ITPRID2: variants seen among roughly 807,000 people sequenced by gnomAD.
ITPRID2 encodes ITPR interacting domain containing 2.
ITPRID2 carries 60 observed loss-of-function variants against 124.3 expected under a neutral mutation model. The ratio of observed to expected loss-of-function variants is 0.48; its 90% confidence interval spans 0.39 to 0.60. The LOEUF (loss-of-function observed/expected upper bound fraction) is 0.60, where lower values mean the gene tolerates loss of function less well. Among genes scored for constraint, ITPRID2 ranks in the 20% least tolerant of loss-of-function variants. The pLI, the probability that ITPRID2 is intolerant of heterozygous loss-of-function variation, is 0.00. For synonymous variants in ITPRID2, 521 were observed against 542.9 expected, an observed-to-expected ratio of 0.96 and a Z score of 0.56; for missense variants, 1,553 against 1,512.2, an observed-to-expected ratio of 1.03 and a Z score of -0.45.
At position 181,905,131 on chromosome 2, in the gene ITPRID2, C is replaced by T. The variant is rs765621630; in HGVS notation, c.1413+2665C>T. On this transcript the variant is annotated intron_variant, in intron 8 of 17. Coordinates refer to ENST00000431877, the MANE Select transcript of ITPRID2 (RefSeq NM_001130445.3). The surrounding 1 kb of genome is among the most constrained non-coding windows in gnomAD (Gnocchi z 4.1). ...GTGGTGCAATCTTGGCTAACTGCAA[C>T]GTCTGCCTCCTGGGTTCATGTAATT... 1.3e-5 allele frequency among the ~76,000 whole-genome samples: 2 copies of T among 149,664 alleles called. No homozygotes were observed. The highest frequency in any genetic ancestry group is 2.0e-4 in the East Asian group (1 of 5,104).
chr2:181,908,851 G>A (rs1046811380), intron 8 of ITPRID2, among the ~76,000 whole-genome samples: 3 of 151,628 alleles, frequency 2.0e-5, no homozygotes, highest in African/African-American at 4.9e-5. Flanking sequence ...AACTATTAGC[G>A]CTTTGATTTT....
At chr2:181,908,612 T>C (rs1693345188) in intron 8 of ITPRID2, among the ~76,000 whole-genome samples, 1 of 152,236 alleles carries the variant, frequency 6.6e-6, no homozygotes, top group Non-Finnish European at 1.5e-5. Context: ...GTGATGGTTT[T>C]GCATGAGTAG....
intron 8 of ITPRID2, among the ~76,000 whole-genome samples, chr2:181,908,337 T>C (rs1693317693): frequency 6.6e-6 from 1 of 152,230 alleles, no homozygotes; most frequent in South Asian, 2.1e-4. Context: ...TCCTAGAACA[T>C]AAATGCAGAG....
intron 16 of ITPRID2, among the ~76,000 whole-genome samples, chr2:181,923,855 A>G (rs917125163): frequency 6.6e-6 from 1 of 152,158 alleles, no homozygotes; most frequent in Admixed American, 6.5e-5. Flanking sequence ...ATTTCCTAAG[A>G]ATAAAGTGTT....
Position 181,902,489 on chromosome 2 carries a change from T to C in ITPRID2, c.1413+23T>C. The C allele has an allele frequency of 6.8e-7, 1 of 1,474,860 alleles. No individual in the cohort carries two copies. Among genetic ancestry groups the C allele is most frequent in the South Asian group, 1.5e-5 (1 of 68,178 alleles). 91.4% of individuals were successfully genotyped at this position (1,474,860 alleles called of 1,614,324 possible). Reference sequence around the variant, plus strand: ...GAGGTAGGTAAAAAATTACTGAGACTGGTTTCAAGTTGCAGACTAGGAAAA... The same window carrying C: ...GAGGTAGGTAAAAAATTACTGAGACCGGTTTCAAGTTGCAGACTAGGAAAA... On this transcript the variant is annotated intron_variant, in intron 8 of 17. Coordinates refer to ENST00000431877, the MANE Select transcript of ITPRID2 (RefSeq NM_001130445.3). The surrounding 1 kb of genome is among the most constrained non-coding windows in gnomAD (Gnocchi z 4.4).
rs539052831 is a variant in ITPRID2 at position 181,892,124 on chromosome 2, G to A, written c.58G>A (p.Ala20Thr). The A allele has an allele frequency of 4.7e-5, 74 of 1,558,702 alleles. No homozygotes were observed. The South Asian group carries it at 8.4e-4, about 18-fold the overall frequency. Residue 20 changes from alanine (A) to threonine (T), a missense_variant, in exon 1 of 18, where the codon GCG becomes ACG. Ala to Thr is a moderately conservative substitution (Grantham distance 58). Coordinates refer to ENST00000431877, the MANE Select transcript of ITPRID2 (RefSeq NM_001130445.3). This position sits in a 1 kb window ranked among gnomAD's most constrained non-coding sequence, Gnocchi z 5.2. Reference sequence around the variant, plus strand: ...GGAGGAGGAACTGGAGTGGCAAGTGGCGAGTCGCAGGAGGAAGGCCTGGGC... The same window carrying A: ...GGAGGAGGAACTGGAGTGGCAAGTGACGAGTCGCAGGAGGAAGGCCTGGGC... ...EAEEELEWQV[A>T]SRRRKAWAKC...
intron 11 of ITPRID2, chr2:181,916,638 C>G (rs1694077417): frequency 1.3e-6 from 1 of 782,348 alleles, no homozygotes; most frequent in African/African-American, 1.7e-5. Context: ...GTCGATTTCT[C>G]TGCTCACAAG....
rs956820180 is a variant in ITPRID2 at position 181,905,114 on chromosome 2, A to G, written c.1413+2648A>G. ...TGTCACCCGGGAGTGCAGTGGTGCA[A>G]TCTTGGCTAACTGCAACGTCTGCCT... On this transcript the variant is annotated intron_variant, in intron 8 of 17. Coordinates refer to ENST00000431877, the MANE Select transcript of ITPRID2 (RefSeq NM_001130445.3). This position sits in a 1 kb window ranked among gnomAD's most constrained non-coding sequence, Gnocchi z 4.1. 6.6e-6 allele frequency among the ~76,000 whole-genome samples: 1 copy of G among 150,550 alleles called. No individual in the cohort carries two copies. The highest frequency in any genetic ancestry group is 1.5e-5 in the Non-Finnish European group (1 of 67,828).
chr2:181,900,133 C>A (rs78802416), intron 6 of ITPRID2, among the ~76,000 whole-genome samples: 5,558 of 152,238 alleles, frequency 0.037, 140 homozygotes, highest in South Asian at 0.098. Context: ...GTAACCCACA[C>A]TCTCTGTACC....
intron 16 of ITPRID2, among the ~76,000 whole-genome samples, chr2:181,926,265 A>G (rs1694840893): frequency 6.6e-6 from 1 of 152,184 alleles, no homozygotes; most frequent in Non-Finnish European, 1.5e-5. Context: ...CTCTGTCACA[A>G]AAATAAATAA....
rs148715069 is a variant in ITPRID2, at chr2:181,915,679, A to G, written c.2039A>G (p.Asn680Ser). ...AAATGCAGTGATATGAGCTCTGAAA[A>G]TACAACTGGGCCTCCCTCTTCCATG... ...EAKCSDMSSE[N>S]TTGPPSSMDR... Residue 680 changes from asparagine to serine, a missense_variant, in exon 11 of 18, where the codon AAT becomes AGT. Coordinates refer to ENST00000431877, the MANE Select transcript of ITPRID2 (RefSeq NM_001130445.3). The G allele has an allele frequency of 4.2e-5, 68 of 1,614,110 alleles. No individual in the cohort carries two copies. The highest frequency in any genetic ancestry group is 5.8e-5 in the Non-Finnish European group (68 of 1,180,046).
Position 181,916,440 on chromosome 2 carries a change from GTA to G in ITPRID2, c.2787+15_2787+16del. 6.2e-7 allele frequency: 1 copy of G among 1,604,980 alleles called. No individual in the cohort carries two copies. Among genetic ancestry groups the G allele is most frequent in the Non-Finnish European group, 8.5e-7 (1 of 1,175,050 alleles). ...GAATCTTTCACAGGTATGAGAAAAA[GTA>G]TGTTATCATTAGCTTTTTTCTTTTA... On this transcript the variant is annotated intron_variant, in intron 11 of 17. Transcript: ENST00000431877.
rs1368054324 is a variant in ITPRID2 at position 181,919,993 on chromosome 2, A to C, written c.3144+547A>C. 3.3e-5 allele frequency among the ~76,000 whole-genome samples: 5 copies of C among 152,198 alleles called. No individual in the cohort carries two copies. The highest frequency in any genetic ancestry group is 7.4e-5 in the Non-Finnish European group (5 of 68,008). On this transcript the variant is annotated intron_variant, in intron 14 of 17. Transcript: ENST00000431877. This position sits in a 1 kb window ranked among gnomAD's most constrained non-coding sequence, Gnocchi z 4.2. ...GATATATATCCAAGAGAATAAAAAG[A>C]AACATGTTTTTGTACCACTTTTCAT...
Position 181,919,692 on chromosome 2 carries a change from C to T in ITPRID2, c.3144+246C>T, listed in dbSNP as rs1694341816. ...TTTTAATAACAGGAAAGAATAAGGGCTTATACGAAAGTTGAGGGTTTTTAA... is the reference window on the plus strand; with the variant it reads ...TTTTAATAACAGGAAAGAATAAGGGTTTATACGAAAGTTGAGGGTTTTTAA... On this transcript the variant is annotated intron_variant, in intron 14 of 17. Transcript: ENST00000431877. The surrounding 1 kb of genome is among the most constrained non-coding windows in gnomAD (Gnocchi z 4.2). Among the ~76,000 whole-genome samples the T allele has an allele frequency of 6.6e-6, 1 of 151,846 alleles. No homozygotes were observed. The highest frequency in any genetic ancestry group is 6.6e-5 in the Admixed American group (1 of 15,238).
intron 8 of ITPRID2, among the ~76,000 whole-genome samples, chr2:181,906,334 C>T (rs1693117161): frequency 6.6e-6 from 1 of 152,106 alleles, no homozygotes; most frequent in Non-Finnish European, 1.5e-5. Flanking sequence ...AGGAGGATCT[C>T]CTGTTGTACA....
Position 181,916,401 on chromosome 2 carries a change from A to G in ITPRID2, c.2761A>G (p.Arg921Gly), listed in dbSNP as rs1694057923. 6.2e-7 allele frequency: 1 copy of G among 1,613,646 alleles called. No individual in the cohort carries two copies. The highest frequency in any genetic ancestry group is 1.7e-5 in the Admixed American group (1 of 59,978). Residue 921 changes from arginine to glycine, a missense_variant, in exon 11 of 18, where the codon AGA becomes GGA. Coordinates refer to ENST00000431877, the MANE Select transcript of ITPRID2 (RefSeq NM_001130445.3). The stretch of plus-strand genomic sequence containing the variant: ...GTTGCGAAGAGTATTACATGATATT[A>G]GAAACTCACTGCAGAATCTTTCACA... ...MQLRRVLHDI[R>G]NSLQNLSQYP...
intron 17 of ITPRID2, among the ~76,000 whole-genome samples, chr2:181,928,816 C>T (rs1695060018): frequency 6.6e-6 from 1 of 152,004 alleles, no homozygotes; most frequent in African/African-American, 2.4e-5. Context: ...TTAGTAGAGA[C>T]GGGGTTTCAC....
chr2:181,906,158 ATTT>A (rs1558991990), intron 8 of ITPRID2, among the ~76,000 whole-genome samples: 1 of 149,902 alleles, frequency 6.7e-6, no homozygotes. Flanking sequence ...TACTTTATTC[ATTT>A]TCTAGTTTCT....
At chr2:181,900,560 A>G in intron 6 of ITPRID2, 136 bp from the exon 7 acceptor site, 1 of 660,996 alleles carries the variant, frequency 1.5e-6, no homozygotes. Flanking sequence ...AAAATAAATA[A>G]TGGTTTCCAG....
Sources: allele counts gnomAD v4.1 joint callset (sites outside exome capture counted in the v4.1 genomes callset), GRCh38; gene constraint gnomAD v4.1.1; non-coding constraint Gnocchi (gnomAD v3.1); transcripts MANE v1.5; gene names NCBI Gene and HGNC (gene_info 2026-07-23, HGNC 2026-07-21).